The following DMD variants were observed in gnomAD, a reference collection of about 807,000 sequenced individuals.
The protein encoded by DMD is mutant dystrophin.
DMD carries 63 observed loss-of-function variants against 330.1 expected under a neutral mutation model. The observed-to-expected ratio is 0.19, with a 90% CI of 0.16 to 0.24. DMD has a LOEUF of 0.24. DMD is among the 10% of genes least tolerant of loss of function. The probability of loss-of-function intolerance (pLI) is 1.00; values close to 1 mark genes in which losing one functional copy is unlikely to be tolerated. For synonymous variants in DMD, 1,223 were observed against 959.8 expected (o/e 1.27, Z -5.07); for missense variants, 3,344 against 2,684.1 (o/e 1.25, Z -5.43).
At chrX:32,346,711 T>C (rs1472214250) in intron 38 of DMD, among the ~76,000 whole-genome samples, 1 of 111,779 alleles carries the variant, frequency 8.9e-6, no homozygotes, top group African/African-American at 3.2e-5. Flanking sequence ...TTAAATACGA[T>C]CAAATAATAC....
rs184920904 is a variant in DMD at position 31,384,596 on chromosome X, C to T, written c.9085-35962G>A. 3.8e-3 allele frequency among the ~76,000 whole-genome samples: 428 copies of T among 111,705 alleles called. 3 individuals are homozygous for T. Among genetic ancestry groups the T allele is most frequent in the Middle Eastern group, 9.2e-3 (2 of 218 alleles). ...AAATTGTGCCCTAATGTCTGAGTGT[C>T]CAACAGTATGCTGCTGTTGAAGCAA... On this transcript the variant is annotated intron_variant, in intron 60 of 78. Coordinates refer to ENST00000357033, the MANE Select transcript of DMD (RefSeq NM_004006.3).
intron 13 of DMD, among the ~76,000 whole-genome samples, chrX:32,581,432 C>G (rs1053604567): frequency 2.3e-4 from 26 of 111,605 alleles, no homozygotes; most frequent in African/African-American, 8.2e-4. Flanking sequence ...ATTCTTAGTT[C>G]ATGTCACATT....
intron 44 of DMD, among the ~76,000 whole-genome samples, chrX:32,116,321 T>G (rs999476131): frequency 8.9e-6 from 1 of 112,286 alleles, no homozygotes; most frequent in Admixed American, 9.5e-5. Context: ...TCATTTTCTA[T>G]TCCCTTAACC....
chrX:32,358,777 C>A (rs2097818308), intron 37 of DMD, among the ~76,000 whole-genome samples: 1 of 110,934 alleles, frequency 9.0e-6, no homozygotes, highest in Non-Finnish European at 1.9e-5. Flanking sequence ...CATTTTTTTC[C>A]ATCAGTTTTT....
intron 2 of DMD, among the ~76,000 whole-genome samples, chrX:32,887,431 G>A (rs2084712456): frequency 9.1e-6 from 1 of 109,550 alleles, no homozygotes; most frequent in Non-Finnish European, 1.9e-5. Flanking sequence ...AGACTTACAG[G>A]TAAAACCTGA....
intron 7 of DMD, among the ~76,000 whole-genome samples, chrX:32,736,938 A>G (rs762982590): frequency 3.1e-4 from 35 of 111,673 alleles, no homozygotes; most frequent in African/African-American, 1.0e-3. Flanking sequence ...AAAAAACTTA[A>G]AAATTTCAGC....
At chrX:32,560,882 T>C (rs762495885) in intron 16 of DMD, among the ~76,000 whole-genome samples, 2 of 112,061 alleles carry the variant, frequency 1.8e-5, no homozygotes, top group South Asian at 3.7e-4. Flanking sequence ...CTATTGTGAA[T>C]AGTGCTGCAA....
At chrX:31,444,335 G>A (rs1274015984) in intron 60 of DMD, 146 bp downstream of exon 60, 41 of 666,180 alleles carry the variant, frequency 6.2e-5, no homozygotes, top group Non-Finnish European at 9.0e-5. Flanking sequence ...GTTTAGATGG[G>A]AATTATAAAC....
chrX:32,667,223 T>C lies in DMD; in HGVS notation c.961-22071A>G, dbSNP rs1430941743. 2.7e-5 allele frequency among the ~76,000 whole-genome samples: 3 copies of C among 111,493 alleles called. No individual in the cohort carries two copies. The East Asian group carries it at 8.4e-4, about 31-fold the overall frequency. ...CGTAGAAATCACCCTACATTTGACT[T>C]TCAGTTTATTTAACAGGTAACAACT... On this transcript the variant is annotated intron_variant, in intron 9 of 78. Transcript: ENST00000357033.
intron 71 of DMD, among the ~76,000 whole-genome samples, chrX:31,173,913 G>A (rs957522514): frequency 9.0e-6 from 1 of 111,470 alleles, no homozygotes; most frequent in African/African-American, 3.2e-5. Flanking sequence ...CTCCTACTTT[G>A]TAATTTCTCA....
chrX:32,912,847 T>A (rs2087407710), intron 2 of DMD, among the ~76,000 whole-genome samples: 1 of 111,677 alleles, frequency 9.0e-6, no homozygotes, highest in Admixed American at 9.5e-5. Flanking sequence ...CAAGTTACTG[T>A]GGAAAATTCG....
At chrX:31,876,685 C>T (rs1245368033) in intron 47 of DMD, among the ~76,000 whole-genome samples, 7 of 103,640 alleles carry the variant, frequency 6.8e-5, no homozygotes, top group African/African-American at 2.5e-4. Flanking sequence ...ACTCCCATCT[C>T]TACAAAAAAA....
At chrX:32,503,567 T>A (rs1343899324) in intron 18 of DMD, among the ~76,000 whole-genome samples, 2 of 111,504 alleles carry the variant, frequency 1.8e-5, no homozygotes, top group Non-Finnish European at 1.9e-5. Flanking sequence ...TGTTTTTGTT[T>A]CTCTTTGAGA....
At chrX:32,212,443 A>G (rs1032823495) in intron 44 of DMD, among the ~76,000 whole-genome samples, 2 of 111,838 alleles carry the variant, frequency 1.8e-5, no homozygotes, top group Non-Finnish European at 3.8e-5. Context: ...TGCTATTCCA[A>G]GTGGCTTTAT....
intron 52 of DMD, among the ~76,000 whole-genome samples, chrX:31,693,797 A>G (rs182023202): frequency 3.1e-3 from 352 of 111,979 alleles, no homozygotes; most frequent in Non-Finnish European, 5.7e-3. Flanking sequence ...AAATGGAAAG[A>G]TTTCTGTGTT....
At chrX:32,516,216 T>C (rs781052554) in intron 18 of DMD, among the ~76,000 whole-genome samples, 1 of 111,889 alleles carries the variant, frequency 8.9e-6, no homozygotes, top group Non-Finnish European at 1.9e-5. Flanking sequence ...AAACTGAATA[T>C]CCATCATCGT....
intron 57 of DMD, among the ~76,000 whole-genome samples, chrX:31,481,126 A>C (rs1325386387): frequency 8.9e-6 from 1 of 112,164 alleles, no homozygotes; most frequent in Admixed American, 9.4e-5. Context: ...GGCATGTCCA[A>C]AGATGAAAAA....
At chrX:31,803,696 CTCTCTT>C (rs1333265983) in intron 50 of DMD, among the ~76,000 whole-genome samples, 5 of 77,342 alleles carry the variant, frequency 6.5e-5, no homozygotes, top group African/African-American at 2.2e-4. Context: ...CTCTCTCTCT[CTCTCTT>C]TCTTTTTATT....
At chrX:31,513,468 A>C (rs1023819835) in intron 55 of DMD, among the ~76,000 whole-genome samples, 3 of 110,954 alleles carry the variant, frequency 2.7e-5, no homozygotes, top group African/African-American at 9.8e-5. Context: ...CAAAAGAGCA[A>C]AAGATTGATA....
Sources: allele counts gnomAD v4.1 joint callset (sites outside exome capture counted in the v4.1 genomes callset), GRCh38; gene constraint gnomAD v4.1.1; transcripts MANE v1.5; gene names NCBI Gene and HGNC (gene_info 2026-07-23, HGNC 2026-07-21).